The following MYOM1 variants were observed in gnomAD, a reference collection of about 807,000 sequenced individuals.
The protein encoded by MYOM1 is myomesin 1, also known as myomesin-1.
Under a neutral mutation model 205.3 loss-of-function variants are expected in MYOM1, and 164 were observed. The observed-to-expected ratio is 0.80, with a 90% CI of 0.70 to 0.91. MYOM1 has a LOEUF of 0.91. MYOM1 is among the 40% of genes least tolerant of loss of function. The pLI, the probability that MYOM1 is intolerant of heterozygous loss-of-function variation, is 0.00. For synonymous variants in MYOM1, 772 were observed against 789.4 expected (o/e 0.98, Z 0.37); for missense variants, 2,011 against 2,127.3 (o/e 0.95, Z 1.08).
chr18:3,071,466 C>G (rs2078958146), intron 37 of MYOM1, among the ~76,000 whole-genome samples: 1 of 152,148 alleles, frequency 6.6e-6, no homozygotes, highest in Non-Finnish European at 1.5e-5. Context: ...TCAAGCAACT[C>G]TCCTGCCTCA....
chr18:3,133,660 A>G (rs915339422), intron 16 of MYOM1, among the ~76,000 whole-genome samples: 1 of 152,204 alleles, frequency 6.6e-6, no homozygotes, highest in African/African-American at 2.4e-5. Context: ...AGAATCTAAT[A>G]TCACGTTGCA....
At chr18:3,068,634 C>G (rs962611162) in intron 37 of MYOM1, among the ~76,000 whole-genome samples, 1 of 152,148 alleles carries the variant, frequency 6.6e-6, no homozygotes, top group Non-Finnish European at 1.5e-5. Context: ...TAGAATCATG[C>G]ACTGTATAAC....
intron 16 of MYOM1, among the ~76,000 whole-genome samples, chr18:3,132,784 TGAATCCA>T (rs2079897136): frequency 6.6e-6 from 1 of 152,134 alleles, no homozygotes; most frequent in African/African-American, 2.4e-5. Context: ...TAATGAGGTG[TGAATCCA>T]TGGGAAGTTT....
chr18:3,182,913 CTTTTTTTTTTTTTTTTTT>C (rs549386891), intron 5 of MYOM1, among the ~76,000 whole-genome samples: 3 of 92,300 alleles, frequency 3.3e-5, no homozygotes, highest in East Asian at 3.4e-4. Flanking sequence ...TTTCTTTCTT[CTTTTTTTTTTTTTTTTTT>C]TTTTTTTTTT....
intron 36 of MYOM1, among the ~76,000 whole-genome samples, chr18:3,072,350 C>CTTTTTTTTTTTTTTT (rs78331937): frequency 0.015 from 866 of 56,200 alleles, 211 homozygotes; most frequent in African/African-American, 0.04. Flanking sequence ...CCGCACCCGG[C>CTTTTTTTTTTTTTTT]TTTTTTTTTT....
chr18:3,072,371 T>TTTTTTTTTTTTTTTTG (rs2078969735), intron 36 of MYOM1, among the ~76,000 whole-genome samples: 1 of 132,504 alleles, frequency 7.5e-6, no homozygotes. Context: ...TTTTTTTTTT[T>TTTTTTTTTTTTTTTTG]GAGGCAGAGT....
chr18:3,079,049 G>C (rs2079053595), intron 34 of MYOM1, 130 bp downstream of exon 34: 1 of 690,194 alleles, frequency 1.4e-6, no homozygotes, highest in African/African-American at 1.9e-5. Flanking sequence ...CTGACTTCAA[G>C]TCATCCTCCT....
chr18:3,128,381 G>A (rs1258842962), intron 18 of MYOM1, among the ~76,000 whole-genome samples: 1 of 152,160 alleles, frequency 6.6e-6, no homozygotes, highest in Non-Finnish European at 1.5e-5. Context: ...ATCAGCACAT[G>A]TGCTTCAGTT....
chr18:3,243,197 C>T, the MYOM1 span, among the ~76,000 whole-genome samples: 2 of 152,230 alleles, frequency 1.3e-5, no homozygotes, highest in African/African-American at 2.4e-5. Flanking sequence ...TATGTAAACG[C>T]TTATTCATTT....
chr18:3,146,428 G>T (rs2080123732), intron 13 of MYOM1, among the ~76,000 whole-genome samples: 2 of 152,098 alleles, frequency 1.3e-5, no homozygotes, highest in Non-Finnish European at 2.9e-5. Context: ...CCAGGACTGT[G>T]AGGTTTAGTT....
chr18:3,136,073 T>C (rs2079957072), intron 14 of MYOM1, among the ~76,000 whole-genome samples: 1 of 151,892 alleles, frequency 6.6e-6, no homozygotes, highest in Non-Finnish European at 1.5e-5. Context: ...GTAAGTCTCA[T>C]GAGAGCTGAT....
rs530243005 is a variant in MYOM1 at position 3,078,122 on chromosome 18, A to G, written c.4648+1057T>C. On this transcript the variant is annotated intron_variant, in intron 34 of 37. Transcript: ENST00000356443. ...AGTGGCGTGATCTCAAATCACTGCA[A>G]CCTCCGCCACATGGGTTCAAATGAT... Among the ~76,000 whole-genome samples the G allele has an allele frequency of 4.6e-5, 7 of 151,904 alleles. No individual in the cohort carries two copies. The South Asian group carries it at 1.5e-3, about 32-fold the overall frequency.
At chr18:3,234,847 C>CA in the MYOM1 span, among the ~76,000 whole-genome samples, 2 of 152,126 alleles carry the variant, frequency 1.3e-5, no homozygotes, top group South Asian at 2.1e-4. Context: ...GCTTGATAGT[C>CA]AGAGTACACT....
upstream of MYOM1, among the ~76,000 whole-genome samples, chr18:3,222,246 T>C (rs146045714): frequency 4.9e-4 from 75 of 152,338 alleles, no homozygotes; most frequent in East Asian, 0.013. Flanking sequence ...GTTTTTCTTC[T>C]TTAGTTTTAT....
chr18:3,195,676 T>G (rs981161915), intron 2 of MYOM1, among the ~76,000 whole-genome samples: 1 of 152,260 alleles, frequency 6.6e-6, no homozygotes, highest in Non-Finnish European at 1.5e-5. Flanking sequence ...GAGCTCATTA[T>G]TTTTTGACAT....
the MYOM1 span, among the ~76,000 whole-genome samples, chr18:3,234,803 A>T: frequency 6.6e-6 from 1 of 152,090 alleles, no homozygotes; most frequent in Non-Finnish European, 1.5e-5. Flanking sequence ...TTGTGATAGA[A>T]CTTACTACAG....
chr18:3,092,453 A>G (rs1406657351), intron 26 of MYOM1, among the ~76,000 whole-genome samples: 1 of 152,190 alleles, frequency 6.6e-6, no homozygotes, highest in Non-Finnish European at 1.5e-5. Context: ...TTGGCCTCCC[A>G]AAGTGCTGGG....
rs2079871767 is a variant in MYOM1 at position 3,131,310 on chromosome 18, G to A, written c.2506+65C>T. The A allele has an allele frequency of 3.2e-6, 5 of 1,562,894 alleles. No homozygotes were observed. The South Asian group carries it at 5.7e-5, about 18-fold the overall frequency. On this transcript the variant is annotated intron_variant, in intron 17 of 37. Coordinates refer to ENST00000356443, the MANE Select transcript of MYOM1 (RefSeq NM_003803.4). ...AGCTAAATAATTTCTGGAGAGGATG[G>A]TATCTTCCTTTCTAACATAGAAAAA...
intron 20 of MYOM1, among the ~76,000 whole-genome samples, chr18:3,117,265 T>C (rs542235827): frequency 6.6e-6 from 1 of 152,212 alleles, no homozygotes; most frequent in East Asian, 1.9e-4. Context: ...GAGTAATAGC[T>C]CTTTCAAAGG....
Sources: allele counts gnomAD v4.1 joint callset (sites outside exome capture counted in the v4.1 genomes callset), GRCh38; gene constraint gnomAD v4.1.1; transcripts MANE v1.5; gene names NCBI Gene and HGNC (gene_info 2026-07-23, HGNC 2026-07-21).